The following SPAG16 variants were observed in gnomAD, a reference collection of about 807,000 sequenced individuals.
SPAG16 encodes sperm associated antigen 16.
Under a neutral mutation model 80.4 loss-of-function variants are expected in SPAG16, and 86 were observed. The observed-to-expected ratio is 1.07, with a 90% confidence interval of 0.90 to 1.28. The LOEUF is 1.28. Among genes scored for constraint, SPAG16 ranks in the 50% most tolerant of loss-of-function variants. SPAG16 has a pLI of 0.00. For missense variants in SPAG16, 870 were observed against 765.3 expected (o/e 1.14, Z -1.61); for synonymous variants, 294 against 265.9 (o/e 1.11, Z -1.03).
At chr2:213,809,465 C>T (rs2071986316) in intron 10 of SPAG16, among the ~76,000 whole-genome samples, 1 of 152,140 alleles carries the variant, frequency 6.6e-6, no homozygotes, top group African/African-American at 2.4e-5. Flanking sequence ...GCTAATAACA[C>T]AGTAGCTCTA....
chr2:213,770,865 T>C lies in SPAG16; in HGVS notation c.1071-91620T>C, dbSNP rs192481075. Among the ~76,000 whole-genome samples, 361 of 152,312 alleles carry C rather than the reference T, an allele frequency of 2.4e-3. 3 individuals are homozygous for C. The highest frequency in any genetic ancestry group is 3.1e-3 in the Non-Finnish European group (209 of 68,006). ...ACATTTTCTTTATCCAGTCTATCAT[T>C]GATGGGCATTTGGTTGATTCCCTGT... On this transcript the variant is annotated intron_variant, in intron 10 of 15. Transcript: ENST00000331683.
At chr2:213,777,477 C>G (rs2069672295) in intron 10 of SPAG16, among the ~76,000 whole-genome samples, 1 of 151,594 alleles carries the variant, frequency 6.6e-6, no homozygotes, top group South Asian at 2.1e-4. Context: ...CGCGATCTCC[C>G]CTTACTGCAA....
intron 9 of SPAG16, among the ~76,000 whole-genome samples, chr2:213,446,329 C>T (rs753174942): frequency 2.6e-5 from 4 of 152,094 alleles, no homozygotes; most frequent in African/African-American, 9.7e-5. Flanking sequence ...GGTTGAAACC[C>T]AATCCAAGCA....
At chr2:214,106,261 T>C (rs1312917336) in intron 13 of SPAG16, among the ~76,000 whole-genome samples, 1 of 152,148 alleles carries the variant, frequency 6.6e-6, no homozygotes, top group Non-Finnish European at 1.5e-5. Context: ...TAAGATAATA[T>C]AAAAAACTAT....
chr2:213,797,497 A>G (rs2071118905), intron 10 of SPAG16, among the ~76,000 whole-genome samples: 1 of 152,196 alleles, frequency 6.6e-6, no homozygotes, highest in Non-Finnish European at 1.5e-5. Flanking sequence ...TACAATGCCT[A>G]TAGTATACAA....
Position 213,436,670 on chromosome 2 carries a change from T to C in SPAG16, c.943-53293T>C, listed in dbSNP as rs552817224. On this transcript the variant is annotated intron_variant, in intron 9 of 15. Coordinates refer to ENST00000331683, the MANE Select transcript of SPAG16 (RefSeq NM_024532.5). ...TAATAAATCTTGAGAAATTAAATTA[T>C]ATGAATTCACTTTCTTTAAAAATAT... Among the ~76,000 whole-genome samples, 14 of 152,126 alleles carry C rather than the reference T, an allele frequency of 9.2e-5. 1 individual carries two copies. In the South Asian group the frequency reaches 2.9e-3, roughly 32 times the overall value.
intron 11 of SPAG16, among the ~76,000 whole-genome samples, chr2:213,877,959 T>C (rs1375235340): frequency 6.6e-6 from 1 of 152,174 alleles, no homozygotes; most frequent in African/African-American, 2.4e-5. Flanking sequence ...AGTGTATCAT[T>C]CATGACCCTC....
chr2:213,320,563 A>G (rs987466080), intron 5 of SPAG16, among the ~76,000 whole-genome samples: 2 of 151,818 alleles, frequency 1.3e-5, no homozygotes, highest in Non-Finnish European at 2.9e-5. Flanking sequence ...TTTCCACCCA[A>G]CGTTCCCCAC....
intron 10 of SPAG16, among the ~76,000 whole-genome samples, chr2:213,730,307 A>G (rs1025248325): frequency 6.6e-6 from 1 of 152,362 alleles, no homozygotes; most frequent in South Asian, 2.1e-4. Flanking sequence ...TAAGTATTGT[A>G]TAGTGAATAA....
intron 13 of SPAG16, among the ~76,000 whole-genome samples, chr2:214,028,426 G>C (rs146795801): frequency 7.8e-4 from 119 of 152,116 alleles, no homozygotes; most frequent in African/African-American, 2.6e-3. Context: ...TGACTGAATA[G>C]AATTCTCAAC....
At chr2:213,935,882 A>G (rs564415738) in intron 12 of SPAG16, among the ~76,000 whole-genome samples, 4 of 152,316 alleles carry the variant, frequency 2.6e-5, no homozygotes, top group African/African-American at 7.2e-5. Flanking sequence ...TAATAGTGAA[A>G]AACTTCTGCC....
intron 13 of SPAG16, among the ~76,000 whole-genome samples, chr2:214,072,881 G>A (rs1576071043): frequency 1.3e-5 from 2 of 151,964 alleles, no homozygotes; most frequent in Non-Finnish European, 2.9e-5. Context: ...AGTTTCTATA[G>A]TACTTTAGAT....
At chr2:214,088,636 A>C (rs1341857573) in intron 13 of SPAG16, among the ~76,000 whole-genome samples, 1 of 152,106 alleles carries the variant, frequency 6.6e-6, no homozygotes, top group Non-Finnish European at 1.5e-5. Context: ...CTAGAAAATT[A>C]TAAATTAATA....
At chr2:213,385,133 G>T (rs930292599) in intron 9 of SPAG16, among the ~76,000 whole-genome samples, 8 of 152,088 alleles carry the variant, frequency 5.3e-5, no homozygotes, top group African/African-American at 1.7e-4. Flanking sequence ...CGTATTCTCT[G>T]GTCATCCGGT....
At chr2:214,119,609 C>T (rs1244434453) in intron 14 of SPAG16, among the ~76,000 whole-genome samples, 1 of 151,966 alleles carries the variant, frequency 6.6e-6, no homozygotes, top group Non-Finnish European at 1.5e-5. Context: ...TTCCATTTTT[C>T]CTTATTTTTA....
intron 15 of SPAG16, among the ~76,000 whole-genome samples, chr2:214,195,796 A>AG (rs1450175377): frequency 6.6e-6 from 1 of 152,088 alleles, no homozygotes; most frequent in African/African-American, 2.4e-5. Context: ...AGTAAAAAAA[A>AG]CTAGCTATGG....
At chr2:213,351,081 C>T (rs989334648) in intron 7 of SPAG16, among the ~76,000 whole-genome samples, 3 of 152,096 alleles carry the variant, frequency 2.0e-5, no homozygotes, top group Admixed American at 6.6e-5. Context: ...GTGGAGGTTG[C>T]AGTGAGCCGA....
chr2:213,689,851 G>A (rs1196399424), intron 10 of SPAG16, among the ~76,000 whole-genome samples: 1 of 151,918 alleles, frequency 6.6e-6, no homozygotes, highest in Non-Finnish European at 1.5e-5. Context: ...GCTGTAGAGA[G>A]GCTATCCTAC....
At chr2:213,468,387 A>G (rs570276327) in intron 9 of SPAG16, among the ~76,000 whole-genome samples, 1 of 138,488 alleles carries the variant, frequency 7.2e-6, no homozygotes, top group Admixed American at 7.3e-5. Context: ...ATATATATAG[A>G]TATATATATA....
Sources: gnomAD v4.1 joint callset for allele counts (sites outside exome capture counted in the v4.1 genomes callset) on GRCh38, gnomAD v4.1.1 for gene constraint, MANE v1.5 for transcripts, NCBI Gene and HGNC (gene_info 2026-07-23, HGNC 2026-07-21) for gene names.